SLC35F1: variants seen among roughly 807,000 people sequenced by gnomAD.
SLC35F1 encodes solute carrier family 35 member F1.
SLC35F1 carries 14 observed loss-of-function variants against 48.7 expected under a neutral mutation model. The ratio of observed to expected loss-of-function variants is 0.29; its 90% CI spans 0.19 to 0.45. The LOEUF (loss-of-function observed/expected upper bound fraction) is 0.45. Ranked by LOEUF, SLC35F1 falls within the 20% of genes least tolerant of loss-of-function variation. The pLI is 1.00. For missense variants in SLC35F1, 404 were observed against 500.0 expected, an observed-to-expected ratio of 0.81 and a Z score of 1.83; for synonymous variants, 190 against 202.2, an observed-to-expected ratio of 0.94 and a Z score of 0.51.
intron 1 of SLC35F1, among the ~76,000 whole-genome samples, chr6:117,965,969 G>T (rs990522129): frequency 6.6e-6 from 1 of 151,558 alleles, no homozygotes; most frequent in African/African-American, 2.4e-5. Flanking sequence ...CTAGCTAAAG[G>T]TTTGTAAACG....
intron 2 of SLC35F1, among the ~76,000 whole-genome samples, chr6:118,174,438 G>A (rs1170700770): frequency 6.6e-6 from 1 of 152,012 alleles, no homozygotes; most frequent in African/African-American, 2.4e-5. Context: ...GAAGAATGTA[G>A]GACTCAACAG....
At chr6:118,160,927 G>C (rs1774221002) in intron 2 of SLC35F1, among the ~76,000 whole-genome samples, 1 of 151,540 alleles carries the variant, frequency 6.6e-6, no homozygotes, top group Admixed American at 6.6e-5. Context: ...GAGGTTGGGG[G>C]TGGTAGCCGA....
intron 1 of SLC35F1, among the ~76,000 whole-genome samples, chr6:117,984,630 T>G (rs1046351023): frequency 3.3e-5 from 5 of 152,218 alleles, no homozygotes; most frequent in Admixed American, 1.3e-4. Flanking sequence ...GTGGCTGGTT[T>G]TGCGCTACAA....
chr6:118,164,213 A>T (rs1774282724), intron 2 of SLC35F1, among the ~76,000 whole-genome samples: 2 of 152,228 alleles, frequency 1.3e-5, no homozygotes, highest in African/African-American at 4.8e-5. Context: ...GGAAAAACAT[A>T]AAGGAAATAA....
chr6:118,076,942 G>C (rs976809826), intron 1 of SLC35F1, among the ~76,000 whole-genome samples: 3 of 151,294 alleles, frequency 2.0e-5, no homozygotes, highest in Non-Finnish European at 4.4e-5. Context: ...GCCTATTTTT[G>C]TGCAACCGTA....
intron 1 of SLC35F1, among the ~76,000 whole-genome samples, chr6:117,910,309 C>A (rs898389225): frequency 1.3e-5 from 2 of 152,224 alleles, no homozygotes; most frequent in Non-Finnish European, 2.9e-5. Flanking sequence ...TTTGAACCCT[C>A]ATGATGTGTT....
At chr6:118,173,396 C>CA (rs553395021) in intron 2 of SLC35F1, among the ~76,000 whole-genome samples, 8 of 110,778 alleles carry the variant, frequency 7.2e-5, no homozygotes, top group African/African-American at 2.2e-4. Flanking sequence ...AAAAAAAAAA[C>CA]AAAAAACAAA....
chr6:117,948,913 G>T (rs1444745931), intron 1 of SLC35F1, among the ~76,000 whole-genome samples: 1 of 152,054 alleles, frequency 6.6e-6, no homozygotes, highest in Non-Finnish European at 1.5e-5. Context: ...AAGCAGGGAA[G>T]CAGTACATGG....
At chr6:118,285,382 G>C in intron 7 of SLC35F1, 44 bp downstream of exon 7, 1 of 1,606,958 alleles carries the variant, frequency 6.2e-7, no homozygotes, top group Non-Finnish European at 8.5e-7. Flanking sequence ...TACTTTGTAG[G>C]AAACAATGAA....
intron 3 of SLC35F1, among the ~76,000 whole-genome samples, chr6:118,252,737 C>T (rs1442228129): frequency 6.6e-6 from 1 of 152,114 alleles, no homozygotes; most frequent in African/African-American, 2.4e-5. Context: ...AGCCATGGAG[C>T]ACATTCAGAG....
At chr6:117,908,929 C>T (rs564903618) in intron 1 of SLC35F1, among the ~76,000 whole-genome samples, 11 of 152,116 alleles carry the variant, frequency 7.2e-5, no homozygotes, top group South Asian at 2.1e-4. Context: ...CGAATTCACA[C>T]GGAACTGTCT....
At chr6:118,156,656 T>C (rs1774147596) in intron 2 of SLC35F1, among the ~76,000 whole-genome samples, 1 of 71,612 alleles carries the variant, frequency 1.4e-5, no homozygotes, top group Non-Finnish European at 3.3e-5. Flanking sequence ...ACCCTAGAAC[T>C]GAAAGTATAA....
At chr6:118,121,939 T>C (rs1029617023) in intron 1 of SLC35F1, among the ~76,000 whole-genome samples, 20 of 152,314 alleles carry the variant, frequency 1.3e-4, no homozygotes, top group African/African-American at 4.6e-4. Flanking sequence ...ATAACTATCC[T>C]AGTCTTTCAG....
chr6:118,178,745 A>T (rs1774529303), intron 2 of SLC35F1, among the ~76,000 whole-genome samples: 1 of 152,062 alleles, frequency 6.6e-6, no homozygotes. Context: ...TTTTCCCAGG[A>T]TATTTCAGTC....
At chr6:118,268,600 ATTTTTTTT>A (rs139088554) in intron 4 of SLC35F1, among the ~76,000 whole-genome samples, 1,495 of 87,882 alleles carry the variant, frequency 0.017, 47 homozygotes, top group African/African-American at 0.066. Context: ...ATATATATAT[ATTTTTTTT>A]TTTTTTTTTT....
intron 1 of SLC35F1, among the ~76,000 whole-genome samples, chr6:118,028,350 G>A (rs1582627077): frequency 6.6e-6 from 1 of 152,206 alleles, no homozygotes; most frequent in Middle Eastern, 3.4e-3. Context: ...GCTCTGGAGA[G>A]GATCTAGTAA....
intron 1 of SLC35F1, among the ~76,000 whole-genome samples, chr6:118,077,049 A>C (rs1772832736): frequency 6.6e-6 from 1 of 152,240 alleles, no homozygotes; most frequent in South Asian, 2.1e-4. Flanking sequence ...TGAAAAATTG[A>C]AATTTTAATG....
At chr6:117,934,497 T>G (rs1776140294) in intron 1 of SLC35F1, among the ~76,000 whole-genome samples, 1 of 152,230 alleles carries the variant, frequency 6.6e-6, no homozygotes, top group South Asian at 2.1e-4. Context: ...TATATAGGTT[T>G]ACCTCACTTT....
chr6:117,951,360 A>G (rs1221869287), intron 1 of SLC35F1, among the ~76,000 whole-genome samples: 1 of 152,238 alleles, frequency 6.6e-6, no homozygotes, highest in Admixed American at 6.5e-5. Context: ...GTGTCTTGAT[A>G]ATGGTCTAAA....
Sources: gnomAD v4.1 joint callset for allele counts (sites outside exome capture counted in the v4.1 genomes callset) on GRCh38, gnomAD v4.1.1 for gene constraint, MANE v1.5 for transcripts, NCBI Gene and HGNC (gene_info 2026-07-23, HGNC 2026-07-21) for gene names.